USH2A: variants seen among roughly 807,000 people sequenced by gnomAD.
USH2A encodes usherin, also known as Usher syndrome 2A (autosomal recessive, mild).
Under a neutral mutation model 538.9 loss-of-function variants are expected in USH2A, and 443 were observed. The ratio of observed to expected loss-of-function variants is 0.82; its 90% CI spans 0.76 to 0.89. The LOEUF (loss-of-function observed/expected upper bound fraction) is 0.89. Ranked by LOEUF, USH2A falls within the 40% of genes least tolerant of loss-of-function variation. The pLI, the probability that USH2A is intolerant of heterozygous loss-of-function variation, is 0.00. For missense variants in USH2A, 6,633 were observed against 6,324.8 expected, an observed-to-expected ratio of 1.05 and a Z score of -1.65; for synonymous variants, 2,413 against 2,273.5, an observed-to-expected ratio of 1.06 and a Z score of -1.75.
intron 22 of USH2A, among the ~76,000 whole-genome samples, chr1:216,096,677 A>G (rs531658384): frequency 1.3e-5 from 2 of 152,356 alleles, no homozygotes; most frequent in South Asian, 2.1e-4. Flanking sequence ...CCAGTACCAT[A>G]GTACCCGATA....
chr1:216,418,028 C>A (rs1274109169), intron 3 of USH2A, among the ~76,000 whole-genome samples: 2 of 152,050 alleles, frequency 1.3e-5, no homozygotes, highest in Admixed American at 1.3e-4. Context: ...AATATAACAC[C>A]TTTTGAGTGC....
chr1:215,937,188 C>T lies in USH2A; in HGVS notation c.7121-2393G>A, dbSNP rs114202626. Among the ~76,000 whole-genome samples, 1,332 of 152,118 alleles carry T rather than the reference C, an allele frequency of 8.8e-3. 15 individuals carry two copies. Among genetic ancestry groups the T allele is most frequent in the African/African-American group, 0.03 (1,261 of 41,534 alleles). ...ACGTGACAATGATAATTTCTATTCACTTTCAGTAAAGGCAGATAAAGACAT... is the reference window on the plus strand; with the variant it reads ...ACGTGACAATGATAATTTCTATTCATTTTCAGTAAAGGCAGATAAAGACAT... On this transcript the variant is annotated intron_variant, in intron 37 of 71. Coordinates refer to ENST00000307340, the MANE Select transcript of USH2A (RefSeq NM_206933.4).
chr1:215,900,289 T>C, intron 39 of USH2A, 72 bp from the exon 40 acceptor site: 1 of 1,541,954 alleles, frequency 6.5e-7, no homozygotes, highest in Non-Finnish European at 8.9e-7. Context: ...AATTTCTTAC[T>C]ACAAAAAAAT....
At chr1:215,766,843 A>G (rs1171303455) in intron 55 of USH2A, 55 bp from the exon 56 acceptor site, 8 of 1,475,984 alleles carry the variant, frequency 5.4e-6, no homozygotes, top group African/African-American at 1.4e-5. Context: ...TTTATTATCA[A>G]TTAAGTACCA....
At chr1:216,041,502 T>C (rs1340396018) in intron 32 of USH2A, among the ~76,000 whole-genome samples, 3 of 152,012 alleles carry the variant, frequency 2.0e-5, no homozygotes, top group Non-Finnish European at 4.4e-5. Context: ...GGGAAGAATG[T>C]CGATTCTATA....
At chr1:215,685,027 C>G (rs1016648394) in intron 61 of USH2A, among the ~76,000 whole-genome samples, 1 of 151,980 alleles carries the variant, frequency 6.6e-6, no homozygotes, top group South Asian at 2.1e-4. Context: ...AATGATTATA[C>G]CTGAGACCTA....
intron 41 of USH2A, among the ~76,000 whole-genome samples, chr1:215,887,894 A>G (rs1446747505): frequency 6.6e-6 from 1 of 152,210 alleles, no homozygotes; most frequent in Non-Finnish European, 1.5e-5. Flanking sequence ...CCTTGAATGA[A>G]GTTTGTATGC....
At chr1:215,890,967 T>G (rs2102462313) in intron 40 of USH2A, among the ~76,000 whole-genome samples, 1 of 152,116 alleles carries the variant, frequency 6.6e-6, no homozygotes, top group Admixed American at 6.5e-5. Context: ...TTTATTAGGG[T>G]TTTCATCTGG....
chr1:216,137,192 C>T (rs1026200361), intron 21 of USH2A, among the ~76,000 whole-genome samples: 14 of 152,290 alleles, frequency 9.2e-5, no homozygotes, highest in Admixed American at 8.5e-4. Flanking sequence ...ATGCAAAGTA[C>T]GTTCCTTTGA....
chr1:216,141,509 G>C (rs1334877849), intron 21 of USH2A, among the ~76,000 whole-genome samples: 1 of 152,188 alleles, frequency 6.6e-6, no homozygotes, highest in Non-Finnish European at 1.5e-5. Context: ...GCATGGTTGA[G>C]GGAGTCTAAA....
intron 58 of USH2A, among the ~76,000 whole-genome samples, chr1:215,749,929 T>C (rs1036198149): frequency 2.6e-5 from 4 of 152,122 alleles, no homozygotes; most frequent in African/African-American, 7.2e-5. Context: ...GAAGTTAAGA[T>C]GTAATCAGAA....
rs768261072 is a variant in USH2A at position 215,900,166 on chromosome 1, T to C, written c.7503A>G (p.Gln2501=). ...ASLSYEVSDL[Q]PYTEYMFRLV... is the part of the protein sequence containing the mutation. ...ACCGAAACATATACTCTGTGTACGG[T>C]TGGAGATCACTCACTTCATAGCTTA... Residue 2501 remains glutamine, a synonymous_variant, in exon 40 of 72, where the codon CAA becomes CAG. Transcript: ENST00000307340. 5 of 1,613,712 alleles carry C rather than the reference T, an allele frequency of 3.1e-6. No individual in the cohort carries two copies. The South Asian group carries it at 3.3e-5, about 11-fold the overall frequency.
At chr1:215,911,592 T>G (rs1043610855) in intron 38 of USH2A, among the ~76,000 whole-genome samples, 1 of 152,100 alleles carries the variant, frequency 6.6e-6, no homozygotes, top group Non-Finnish European at 1.5e-5. Flanking sequence ...ACATTTTGTT[T>G]ATCCATCCAT....
intron 65 of USH2A, among the ~76,000 whole-genome samples, chr1:215,650,087 C>A (rs747034233): frequency 9.2e-5 from 14 of 152,224 alleles, no homozygotes; most frequent in Non-Finnish European, 1.6e-4. Context: ...GCTCTCTCTT[C>A]TAAAGGGTTA....
chr1:216,134,404 T>C (rs111930660), intron 21 of USH2A, among the ~76,000 whole-genome samples: 1 of 152,004 alleles, frequency 6.6e-6, no homozygotes, highest in African/African-American at 2.4e-5. Context: ...TTAATTAATA[T>C]GGAGAGAAGA....
intron 14 of USH2A, among the ~76,000 whole-genome samples, chr1:216,223,575 C>A (rs2102506502): frequency 6.6e-6 from 1 of 152,274 alleles, no homozygotes; most frequent in East Asian, 1.9e-4. Context: ...CCTCAAGTGT[C>A]TTTGCATGCT....
chr1:216,313,313 G>A (rs1226764608), intron 9 of USH2A, among the ~76,000 whole-genome samples: 1 of 152,084 alleles, frequency 6.6e-6, no homozygotes, highest in Non-Finnish European at 1.5e-5. Flanking sequence ...AGTGGCCCAG[G>A]GGTTGGGGAC....
chr1:215,903,468 T>G (rs530858312), intron 38 of USH2A, among the ~76,000 whole-genome samples: 2 of 152,188 alleles, frequency 1.3e-5, no homozygotes, highest in South Asian at 2.1e-4. Context: ...ATAGGCATGT[T>G]TGTTGGAAGA....
chr1:215,704,452 A>T (rs1275892612), intron 61 of USH2A, among the ~76,000 whole-genome samples: 4 of 152,200 alleles, frequency 2.6e-5, no homozygotes, highest in Non-Finnish European at 5.9e-5. Context: ...CTAGATCCTA[A>T]TGCATTGACA....
Sources: gnomAD v4.1 joint callset for allele counts (sites outside exome capture counted in the v4.1 genomes callset) on GRCh38, gnomAD v4.1.1 for gene constraint, MANE v1.5 for transcripts, NCBI Gene and HGNC (gene_info 2026-07-23, HGNC 2026-07-21) for gene names.